Variants in CAST observed in about 807,000 individuals in gnomAD.
CAST encodes the protein calpastatin.
CAST carries 76 observed loss-of-function variants against 119.6 expected under a neutral mutation model. The observed-to-expected ratio is 0.64, with a 90% CI of 0.53 to 0.77. The LOEUF is 0.77. Among genes scored for constraint, CAST ranks in the 30% least tolerant of loss-of-function variants. CAST has a pLI of 0.00. For synonymous variants in CAST, 319 were observed against 331.6 expected, an observed-to-expected ratio of 0.96 and a Z score of 0.41; for missense variants, 953 against 946.5, an observed-to-expected ratio of 1.01 and a Z score of -0.09.
intron 1 of CAST, among the ~76,000 whole-genome samples, chr5:96,580,037 C>T (rs891251408): frequency 3.3e-5 from 5 of 152,232 alleles, no homozygotes; most frequent in African/African-American, 1.2e-4. Context: ...AGTACTTCCA[C>T]ATACATAGAT....
chr5:96,202,526 T>C, the CAST span, among the ~76,000 whole-genome samples: 1 of 152,104 alleles, frequency 6.6e-6, no homozygotes, highest in Admixed American at 6.6e-5. Flanking sequence ...AGGATTTATT[T>C]AATTTTGCTT....
At chr5:96,478,730 T>C in the CAST span, among the ~76,000 whole-genome samples, 1 of 152,232 alleles carries the variant, frequency 6.6e-6, no homozygotes, top group Admixed American at 6.5e-5. Context: ...TAATGAGAAG[T>C]ATTTACCACA....
At chr5:96,388,469 G>A in the CAST span, among the ~76,000 whole-genome samples, 1 of 152,128 alleles carries the variant, frequency 6.6e-6, no homozygotes, top group African/African-American at 2.4e-5. Context: ...GAAAAGCAAG[G>A]GCCAAGCCAA....
At chr5:96,089,751 G>A in the CAST span, among the ~76,000 whole-genome samples, 2 of 152,144 alleles carry the variant, frequency 1.3e-5, no homozygotes, top group Non-Finnish European at 2.9e-5. Context: ...AAGGATTGAA[G>A]GAGACTTACT....
chr5:96,005,986 T>C, the CAST span, among the ~76,000 whole-genome samples: 15 of 152,334 alleles, frequency 9.8e-5, no homozygotes, highest in East Asian at 2.5e-3. Context: ...AAATATTGTC[T>C]ATATAGGTTT....
intron 1 of CAST, among the ~76,000 whole-genome samples, chr5:96,620,789 G>T (rs889743574): frequency 1.3e-5 from 2 of 152,108 alleles, no homozygotes; most frequent in African/African-American, 2.4e-5. Flanking sequence ...CATAGCTTTT[G>T]GGGGGATTAC....
chr5:96,262,724 A>G, the CAST span, among the ~76,000 whole-genome samples: 1 of 151,952 alleles, frequency 6.6e-6, no homozygotes, highest in Non-Finnish European at 1.5e-5. Flanking sequence ...TTTAGTAGAG[A>G]TAGGGTTTCA....
At chr5:96,046,727 C>T in the CAST span, among the ~76,000 whole-genome samples, 1 of 152,136 alleles carries the variant, frequency 6.6e-6, no homozygotes, top group Admixed American at 6.5e-5. Flanking sequence ...TAAAGACATA[C>T]CTGAGACTGA....
the CAST span, among the ~76,000 whole-genome samples, chr5:96,470,319 T>G: frequency 6.6e-6 from 1 of 151,940 alleles, no homozygotes; most frequent in Admixed American, 6.6e-5. Context: ...ATTACAAAAA[T>G]TATGGAATTA....
chr5:96,295,583 A>G, the CAST span, among the ~76,000 whole-genome samples: 1 of 152,234 alleles, frequency 6.6e-6, no homozygotes, highest in Non-Finnish European at 1.5e-5. Context: ...ATCTCTGAAT[A>G]TTTTAGTCTA....
the CAST span, among the ~76,000 whole-genome samples, chr5:96,067,759 C>G: frequency 6.6e-6 from 1 of 152,088 alleles, no homozygotes; most frequent in Non-Finnish European, 1.5e-5. Flanking sequence ...AGATTTGACT[C>G]CCTTTAATCT....
intron 1 of CAST, among the ~76,000 whole-genome samples, chr5:96,591,885 T>A (rs1472705350): frequency 6.6e-6 from 1 of 152,186 alleles, no homozygotes; most frequent in African/African-American, 2.4e-5. Context: ...GACTGGGTGG[T>A]CACTTTAGTT....
the CAST span, among the ~76,000 whole-genome samples, chr5:96,003,844 T>C: frequency 6.6e-6 from 1 of 152,194 alleles, no homozygotes; most frequent in Non-Finnish European, 1.5e-5. Context: ...AATTCTCAGA[T>C]CTTGACCCTG....
chr5:96,225,309 G>A, the CAST span, among the ~76,000 whole-genome samples: 24 of 149,786 alleles, frequency 1.6e-4, no homozygotes, highest in Non-Finnish European at 8.9e-5. Flanking sequence ...TACCTTGTTT[G>A]GTTAAAACCC....
chr5:96,364,173 G>C, the CAST span, among the ~76,000 whole-genome samples: 1 of 152,178 alleles, frequency 6.6e-6, no homozygotes, highest in African/African-American at 2.4e-5. Context: ...TTGCATCCCA[G>C]GGATGAAGAC....
At chr5:96,169,914 T>C in the CAST span, among the ~76,000 whole-genome samples, 664 of 152,170 alleles carry the variant, frequency 4.4e-3, 3 homozygotes, top group South Asian at 0.012. Context: ...TAAAAGAGTA[T>C]TGTCTAAGTT....
At chr5:96,508,788 G>T in the CAST span, among the ~76,000 whole-genome samples, 4 of 152,148 alleles carry the variant, frequency 2.6e-5, no homozygotes, top group Non-Finnish European at 4.4e-5. Flanking sequence ...CTTAATTAGA[G>T]TCATAAGCTT....
chr5:96,174,859 A>G, the CAST span, among the ~76,000 whole-genome samples: 954 of 152,308 alleles, frequency 6.3e-3, 6 homozygotes, highest in Non-Finnish European at 0.012. Context: ...TCAGCAAATA[A>G]TATATTTAAA....
chr5:96,675,392 A>G lies in CAST; in HGVS notation c.76-147A>G, dbSNP rs550476581. The G allele has an allele frequency of 1.2e-4, 70 of 607,084 alleles. 1 individual carries two copies. The highest frequency in any genetic ancestry group is 2.0e-4 in the Non-Finnish European group (67 of 341,824). The allele number at this position is 607,084 out of a possible 1,614,324, so 37.6% of individuals were successfully genotyped here. A position where few individuals can be genotyped will look rare whatever the true frequency, so the allele number is the denominator to read the frequency against. On this transcript the variant is annotated intron_variant, in intron 1 of 31. Coordinates refer to ENST00000675179, the MANE Select transcript of CAST (RefSeq NM_001750.7). The stretch of plus-strand genomic sequence containing the variant: ...ATCCCTTGATTTTTGAGAGCCACCT[A>G]TGTTGGTGTGAATTACCAGCATTCT...
Sources: allele counts gnomAD v4.1 joint callset (sites outside exome capture counted in the v4.1 genomes callset), GRCh38; gene constraint gnomAD v4.1.1; transcripts MANE v1.5; gene names NCBI Gene and HGNC (gene_info 2026-07-23, HGNC 2026-07-21).